The following YAF2 variants were observed in gnomAD, a reference collection of about 807,000 sequenced individuals.
YAF2 encodes the protein YY1 associated factor 2, also known as YY1-associated factor 2.
A neutral mutation model predicts 20.1 loss-of-function variants in YAF2; 7 were observed. The observed-to-expected ratio is 0.35, with a 90% CI of 0.20 to 0.65. YAF2 has a LOEUF of 0.65. Ranked by LOEUF, YAF2 falls within the 30% of genes least tolerant of loss-of-function variation. The pLI is 0.69. For missense variants in YAF2, 151 were observed against 219.2 expected, an observed-to-expected ratio of 0.69 and a Z score of 1.96; for synonymous variants, 74 against 76.0, an observed-to-expected ratio of 0.97 and a Z score of 0.14.
At chr12:42,196,882 C>T (rs943768153) in intron 2 of YAF2, among the ~76,000 whole-genome samples, 23 of 152,094 alleles carry the variant, frequency 1.5e-4, no homozygotes, top group Admixed American at 1.5e-3. Flanking sequence ...TGCTGAAGCT[C>T]AAAGACAAAG....
At chr12:42,167,804 G>C (rs2065951062) in intron 2 of YAF2, among the ~76,000 whole-genome samples, 1 of 152,060 alleles carries the variant, frequency 6.6e-6, no homozygotes, top group South Asian at 2.1e-4. Context: ...CCAGGAGTTT[G>C]AGACCAGCCT....
intron 2 of YAF2, among the ~76,000 whole-genome samples, chr12:42,206,351 G>A (rs560754844): frequency 1.4e-3 from 216 of 149,904 alleles, no homozygotes; most frequent in Non-Finnish European, 2.4e-3. Flanking sequence ...GCTCACGCCT[G>A]TAATCCCAGC....
intron 2 of YAF2, chr12:42,233,062 G>A: frequency 8.1e-6 from 8 of 985,170 alleles, no homozygotes; most frequent in Non-Finnish European, 9.6e-6. Context: ...ATCCAACTCA[G>A]CCCTTAAATA....
chr12:42,235,769 A>G, intron 2 of YAF2: 1 of 1,535,776 alleles, frequency 6.5e-7, no homozygotes, highest in Non-Finnish European at 8.7e-7. Context: ...GTAAAAAAAA[A>G]AAATGTCAGG....
At chr12:42,237,104 A>C (rs577161503) in intron 2 of YAF2, among the ~76,000 whole-genome samples, 11 of 152,314 alleles carry the variant, frequency 7.2e-5, no homozygotes, top group Non-Finnish European at 7.4e-5. Context: ...AAAAACACTA[A>C]ATAAAACCTT....
chr12:42,189,326 G>C (rs185481883), intron 2 of YAF2, among the ~76,000 whole-genome samples: 37 of 152,302 alleles, frequency 2.4e-4, no homozygotes, highest in Admixed American at 2.0e-3. Context: ...CCTGGGATTT[G>C]AATCAGAAAG....
chr12:42,173,345 A>C (rs2066100345), intron 2 of YAF2, among the ~76,000 whole-genome samples: 1 of 152,236 alleles, frequency 6.6e-6, no homozygotes, highest in Non-Finnish European at 1.5e-5. Flanking sequence ...TACCAGGAAG[A>C]CTTGATTCCT....
intron 2 of YAF2, chr12:42,210,471 T>C: frequency 1.3e-6 from 2 of 1,535,682 alleles, no homozygotes; most frequent in Non-Finnish European, 1.7e-6. Flanking sequence ...GGGCATGCAG[T>C]ACAGACGTAT....
chr12:42,189,992 A>C (rs1202865090), intron 2 of YAF2, among the ~76,000 whole-genome samples: 1 of 152,258 alleles, frequency 6.6e-6, no homozygotes, highest in Non-Finnish European at 1.5e-5. Flanking sequence ...TTGTAATCAA[A>C]ATATGCTGTT....
At chr12:42,200,130 C>T (rs1247407544) in intron 2 of YAF2, among the ~76,000 whole-genome samples, 1 of 152,178 alleles carries the variant, frequency 6.6e-6, no homozygotes, top group Non-Finnish European at 1.5e-5. Flanking sequence ...GAAGCTATAA[C>T]ATCTGACCAT....
intron 2 of YAF2, among the ~76,000 whole-genome samples, chr12:42,213,303 CAT>C (rs2067263646): frequency 6.6e-6 from 1 of 152,252 alleles, no homozygotes; most frequent in African/African-American, 2.4e-5. Flanking sequence ...CTGACAACCA[CAT>C]GAGTGAGCTT....
intron 2 of YAF2, among the ~76,000 whole-genome samples, chr12:42,185,131 T>C (rs926898772): frequency 2.0e-5 from 3 of 152,120 alleles, no homozygotes; most frequent in Non-Finnish European, 4.4e-5. Context: ...TGGGCCAAGA[T>C]CGCGCCACTG....
intron 2 of YAF2, among the ~76,000 whole-genome samples, chr12:42,196,908 G>A (rs2066767463): frequency 6.6e-6 from 1 of 152,130 alleles, no homozygotes; most frequent in African/African-American, 2.4e-5. Context: ...GAGTCTGACT[G>A]GGACCTCAAG....
At chr12:42,194,186 T>C (rs936402468) in intron 2 of YAF2, among the ~76,000 whole-genome samples, 2 of 152,158 alleles carry the variant, frequency 1.3e-5, no homozygotes, top group Non-Finnish European at 2.9e-5. Flanking sequence ...AGAAATAAAA[T>C]TTTTAAAATA....
intron 2 of YAF2, among the ~76,000 whole-genome samples, chr12:42,218,975 T>C (rs756399162): frequency 6.6e-6 from 1 of 152,188 alleles, no homozygotes; most frequent in Non-Finnish European, 1.5e-5. Context: ...GCTCTTCTTT[T>C]TGAAATGTGA....
chr12:42,162,595 T>C (rs535896406), intron 2 of YAF2, among the ~76,000 whole-genome samples: 1 of 152,206 alleles, frequency 6.6e-6, no homozygotes, highest in African/African-American at 2.4e-5. Context: ...AAAATACATT[T>C]TAACAGATGC....
At chr12:42,200,959 T>C (rs2066883607) in intron 2 of YAF2, among the ~76,000 whole-genome samples, 1 of 152,158 alleles carries the variant, frequency 6.6e-6, no homozygotes, top group African/African-American at 2.4e-5. Context: ...TACCTCTTTC[T>C]GACTTTTCAT....
At chr12:42,235,516 T>G in intron 2 of YAF2, 1 of 1,298,410 alleles carries the variant, frequency 7.7e-7, no homozygotes, top group Admixed American at 3.3e-5. Flanking sequence ...ACAGAGAAAT[T>G]AGAGCTCTTA....
chr12:42,207,875 A>C (rs1199555396), intron 2 of YAF2, among the ~76,000 whole-genome samples: 1 of 152,170 alleles, frequency 6.6e-6, no homozygotes, highest in Non-Finnish European at 1.5e-5. Flanking sequence ...TGGGCGACAG[A>C]GCGAGACTCT....
Sources: allele counts gnomAD v4.1 joint callset (sites outside exome capture counted in the v4.1 genomes callset), GRCh38; gene constraint gnomAD v4.1.1; transcripts MANE v1.5; gene names NCBI Gene and HGNC (gene_info 2026-07-23, HGNC 2026-07-21).